RNF157: variants seen among roughly 807,000 people sequenced by gnomAD.
RNF157 encodes E3 ubiquitin ligase RNF157.
A neutral mutation model predicts 88.3 loss-of-function variants in RNF157; 55 were observed. The observed-to-expected ratio is 0.62, with a 90% CI of 0.50 to 0.78. The LOEUF is 0.78. Ranked by LOEUF, RNF157 falls within the 30% of genes least tolerant of loss-of-function variation. The pLI is 0.00. For synonymous variants in RNF157, 334 were observed against 341.2 expected (o/e 0.98, Z 0.23); for missense variants, 788 against 860.8 (o/e 0.92, Z 1.06).
chr17:76,156,983 A>G (rs1267816427), intron 13 of RNF157, among the ~76,000 whole-genome samples: 4 of 145,828 alleles, frequency 2.7e-5, no homozygotes, highest in Admixed American at 6.8e-5. Flanking sequence ...TTTTTTTGAG[A>G]TGGAGTCTCG....
intron 2 of RNF157, among the ~76,000 whole-genome samples, chr17:76,192,559 T>C (rs1053034284): frequency 1.3e-5 from 2 of 152,150 alleles, no homozygotes; most frequent in East Asian, 1.9e-4. Flanking sequence ...CATATGCCCA[T>C]GGTGACTCTT....
intron 1 of RNF157, among the ~76,000 whole-genome samples, chr17:76,237,216 A>C (rs1392178759): frequency 9.9e-5 from 15 of 152,250 alleles, no homozygotes; most frequent in Admixed American, 6.5e-5. Context: ...TTCAATGTGC[A>C]TACAAAACTA....
At chr17:76,162,826 T>C in intron 8 of RNF157, 1 of 480,720 alleles carries the variant, frequency 2.1e-6, no homozygotes. Context: ...AAATATTTAA[T>C]TCACCCATCA....
At chr17:76,167,611 A>G (rs994554316) in intron 4 of RNF157, 40 bp downstream of exon 4, 34 of 1,612,286 alleles carry the variant, frequency 2.1e-5, no homozygotes, top group Non-Finnish European at 2.9e-5. Flanking sequence ...CCTGGTAATA[A>G]TCTGGGAAGG....
intron 17 of RNF157, chr17:76,154,074 C>G: frequency 3.5e-6 from 2 of 569,440 alleles, no homozygotes; most frequent in Non-Finnish European, 6.3e-6. Context: ...ATCCATGGCT[C>G]TGAGGCCCAG....
chr17:76,206,301 A>G (rs1033502548), intron 2 of RNF157, among the ~76,000 whole-genome samples: 1 of 152,178 alleles, frequency 6.6e-6, no homozygotes, highest in Non-Finnish European at 1.5e-5. Context: ...AATAACTTAG[A>G]GTTGGGCAGT....
At chr17:76,168,490 G>C (rs1000376538) in intron 3 of RNF157, among the ~76,000 whole-genome samples, 1 of 149,848 alleles carries the variant, frequency 6.7e-6, no homozygotes, top group Non-Finnish European at 1.5e-5. Context: ...TCCAACCCAA[G>C]CTCTCTGGGG....
intron 2 of RNF157, among the ~76,000 whole-genome samples, chr17:76,201,773 G>A (rs150269598): frequency 1.3e-5 from 2 of 152,154 alleles, no homozygotes; most frequent in East Asian, 1.9e-4. Context: ...CTCAGTGGAC[G>A]CAGATCTATC....
chr17:76,152,238 C>T (rs2068689486), intron 18 of RNF157, 117 bp downstream of exon 18: 3 of 731,908 alleles, frequency 4.1e-6, no homozygotes, highest in Non-Finnish European at 7.3e-6. Flanking sequence ...ACTAGCACAC[C>T]CCAGGCCTTC....
chr17:76,187,312 T>A (rs2144930713), intron 2 of RNF157, among the ~76,000 whole-genome samples: 1 of 151,706 alleles, frequency 6.6e-6, no homozygotes, highest in East Asian at 2.0e-4. Context: ...GTCTCCCGAG[T>A]AGCTGGGATT....
intron 3 of RNF157, 116 bp downstream of exon 3, chr17:76,173,586 C>A: frequency 2.6e-6 from 2 of 754,800 alleles, no homozygotes; most frequent in Non-Finnish European, 4.4e-6. Context: ...CCCAGAGAAG[C>A]AAGCTCTGGG....
intron 1 of RNF157, among the ~76,000 whole-genome samples, chr17:76,216,317 C>G (rs1044211248): frequency 6.6e-6 from 1 of 151,982 alleles, no homozygotes; most frequent in African/African-American, 2.4e-5. Context: ...AGAGAGGACC[C>G]CTAATGATTT....
At chr17:76,203,201 G>A (rs964178020) in intron 2 of RNF157, among the ~76,000 whole-genome samples, 4 of 152,064 alleles carry the variant, frequency 2.6e-5, no homozygotes, top group African/African-American at 9.7e-5. Context: ...ATGTTGGCCA[G>A]GCTGGTCTCA....
chr17:76,231,163 A>T (rs1017400891), intron 1 of RNF157, among the ~76,000 whole-genome samples: 1 of 151,880 alleles, frequency 6.6e-6, no homozygotes, highest in African/African-American at 2.4e-5. Flanking sequence ...ACGCCCAGCT[A>T]ATTTTTTGTA....
In RNF157 at chr17:76,211,422, A is replaced by T. The variant is rs182199641; in HGVS notation, c.207+942T>A. On this transcript the variant is annotated intron_variant, in intron 2 of 18. Transcript: ENST00000269391. ...TTCCCACCACATTCAATCACTTCTGATCTTTATTGTTAATTAAACATTTCC... is the reference window on the plus strand; with the variant it reads ...TTCCCACCACATTCAATCACTTCTGTTCTTTATTGTTAATTAAACATTTCC... Among the ~76,000 whole-genome samples, 168 of 152,204 alleles carry T rather than the reference A, an allele frequency of 1.1e-3. 1 individual carries two copies. Among genetic ancestry groups the T allele is most frequent in the African/African-American group, 3.4e-3 (140 of 41,526 alleles).
rs142725536 is a variant in RNF157, at chr17:76,232,765, C to G, written c.88+7388G>C. Among the ~76,000 whole-genome samples, 51 of 152,268 alleles carry G rather than the reference C, an allele frequency of 3.3e-4. No homozygotes were observed. The East Asian group carries it at 8.9e-3, about 26-fold the overall frequency. On this transcript the variant is annotated intron_variant, in intron 1 of 18. Transcript: ENST00000269391. ...ATTCTCAACATTTGACACTGTCTGC[C>G]TTTTCTATTTTAGTTATCCTAATTC... is the stretch of plus-strand genomic sequence containing the variant.
intron 2 of RNF157, among the ~76,000 whole-genome samples, chr17:76,177,349 G>A (rs1390215599): frequency 1.6e-5 from 2 of 127,750 alleles, no homozygotes; most frequent in Admixed American, 9.9e-5. Flanking sequence ...TGCTCCTGCC[G>A]CCTAGCTTCT....
At chr17:76,162,944 G>C (rs943559682) in intron 8 of RNF157, 29 of 193,908 alleles carry the variant, frequency 1.5e-4, no homozygotes, top group Non-Finnish European at 2.7e-4. Flanking sequence ...AAGGATGGAA[G>C]GGCATGCATT....
At chr17:76,158,591 TA>T in intron 12 of RNF157, 90 bp from the exon 13 acceptor site, 1 of 885,444 alleles carries the variant, frequency 1.1e-6, no homozygotes, top group Non-Finnish European at 1.9e-6. Flanking sequence ...AAAACCCAAA[TA>T]TTTTTTGCTT....
Sources: gnomAD v4.1 joint callset for allele counts (sites outside exome capture counted in the v4.1 genomes callset) on GRCh38, gnomAD v4.1.1 for gene constraint, MANE v1.5 for transcripts, NCBI Gene and HGNC (gene_info 2026-07-23, HGNC 2026-07-21) for gene names.